The following CELF4 variants were observed in gnomAD, a reference collection of about 807,000 sequenced individuals.
The protein encoded by CELF4 is CUG-BP- and ETR-3-like factor 4.
Under a neutral mutation model 59.9 loss-of-function variants are expected in CELF4, and 18 were observed. The ratio of observed to expected loss-of-function variants is 0.30; its 90% CI spans 0.21 to 0.45. The LOEUF (loss-of-function observed/expected upper bound fraction) is 0.45. Ranked by LOEUF, CELF4 falls within the 20% of genes least tolerant of loss-of-function variation. The pLI, the probability that CELF4 is intolerant of heterozygous loss-of-function variation, is 1.00. For synonymous variants in CELF4, 261 were observed against 267.1 expected (o/e 0.98, Z 0.22); for missense variants, 456 against 689.0 (o/e 0.66, Z 3.79).
At chr18:37,291,655 CTTT>C (rs1443352374) in intron 3 of CELF4, among the ~76,000 whole-genome samples, 2 of 152,144 alleles carry the variant, frequency 1.3e-5, no homozygotes, top group Non-Finnish European at 2.9e-5. Context: ...TTTTAGAATC[CTTT>C]TGATTTGTAG....
intron 2 of CELF4, among the ~76,000 whole-genome samples, chr18:37,361,068 C>T (rs535086111): frequency 6.6e-6 from 1 of 152,206 alleles, no homozygotes; most frequent in Non-Finnish European, 1.5e-5. Flanking sequence ...GGGCCCCCAG[C>T]AATGCTGGAC....
intron 2 of CELF4, among the ~76,000 whole-genome samples, chr18:37,410,061 T>C (rs1330347771): frequency 6.6e-6 from 1 of 151,902 alleles, no homozygotes; most frequent in Non-Finnish European, 1.5e-5. Flanking sequence ...CACTTTCAGG[T>C]GTTGACTGGA....
In CELF4 at chr18:37,264,696, C is replaced by T. The variant is rs1468348949; in HGVS notation, c.1227G>A (p.Met409Ile). The T allele has an allele frequency of 6.3e-6, 10 of 1,578,948 alleles. No individual in the cohort carries two copies. In the African/African-American group the frequency reaches 1.2e-4, roughly 19 times the overall value. ...CACCTTCTCTCTGCTGCTGGGGGAT[C>T]ATTGGAGGCGGCTGAGGAAAGGCCT... ...ISQAFPQPPP[M>I]IPQQQREGPE... The change falls in exon 10 of 13, where the codon ATG becomes ATA. Residue 409 changes from methionine (M) to isoleucine (I), a missense_variant. This residue lies in a region of CELF4 where 256 missense variants were observed against 340.8 expected (regional missense o/e 0.75). Transcript: ENST00000420428.
intron 1 of CELF4, among the ~76,000 whole-genome samples, chr18:37,498,052 T>G (rs989372449): frequency 2.0e-5 from 3 of 152,102 alleles, no homozygotes; most frequent in Non-Finnish European, 4.4e-5. Flanking sequence ...CAACTCTGCC[T>G]GGGGGAGAAC....
chr18:37,426,491 G>C (rs915455151), intron 2 of CELF4, among the ~76,000 whole-genome samples: 2 of 152,244 alleles, frequency 1.3e-5, no homozygotes, highest in Middle Eastern at 3.2e-3. Flanking sequence ...CCACCCAGGG[G>C]CTGAGCTGTG....
intron 2 of CELF4, among the ~76,000 whole-genome samples, chr18:37,322,263 C>T (rs944733611): frequency 6.6e-6 from 1 of 152,226 alleles, no homozygotes. Context: ...CCCTGGTTCA[C>T]TCAAACATCT....
rs555036117 is a variant in CELF4, at chr18:37,473,701, C to G, written c.369+11824G>C. 2.0e-5 allele frequency: 3 copies of G among 152,418 alleles called. No homozygotes were observed. The South Asian group carries it at 6.2e-4, about 32-fold the overall frequency. The allele number at this position is 152,418 out of a possible 1,614,324, so 9.4% of individuals were successfully genotyped here. The stretch of plus-strand genomic sequence containing the variant: ...ATCTAAGCTGAAGGCAAATGCGGCA[C>G]GTGTGTGGGGGGTGGCTGCTGCTCC... On this transcript the variant is annotated intron_variant, in intron 2 of 12. Coordinates refer to ENST00000420428, the MANE Select transcript of CELF4 (RefSeq NM_020180.4).
intron 2 of CELF4, among the ~76,000 whole-genome samples, chr18:37,409,396 C>A (rs1000932739): frequency 5.9e-5 from 9 of 152,116 alleles, no homozygotes; most frequent in Non-Finnish European, 1.3e-4. Context: ...CCCAAGGATG[C>A]CTCATTGTGG....
At chr18:37,423,143 G>A (rs2099590890) in intron 2 of CELF4, among the ~76,000 whole-genome samples, 2 of 152,068 alleles carry the variant, frequency 1.3e-5, no homozygotes, top group Admixed American at 6.5e-5. Flanking sequence ...GAGAGACAGA[G>A]AGACTGGCTC....
At chr18:37,248,419 G>A (rs375389822) in intron 12 of CELF4, among the ~76,000 whole-genome samples, 4 of 152,124 alleles carry the variant, frequency 2.6e-5, no homozygotes, top group East Asian at 1.9e-4. Context: ...CCATAAAAGC[G>A]CCACATGGAA....
intron 1 of CELF4, among the ~76,000 whole-genome samples, chr18:37,565,034 C>T (rs1478414245): frequency 6.6e-6 from 1 of 152,044 alleles, no homozygotes; most frequent in African/African-American, 2.4e-5. Flanking sequence ...TGCAGCCTTC[C>T]CCATCCCCAT....
intron 1 of CELF4, among the ~76,000 whole-genome samples, chr18:37,502,603 C>T (rs1335576903): frequency 6.6e-6 from 1 of 152,172 alleles, no homozygotes; most frequent in Non-Finnish European, 1.5e-5. Context: ...TGGCCCGGGC[C>T]CCACTGCACT....
chr18:37,318,570 CT>C (rs2096953338), intron 3 of CELF4, among the ~76,000 whole-genome samples: 2 of 150,812 alleles, frequency 1.3e-5, no homozygotes, highest in South Asian at 4.2e-4. Context: ...GGCCATCTCA[CT>C]GTTTAATATT....
chr18:37,315,330 C>T (rs373518187), intron 3 of CELF4, among the ~76,000 whole-genome samples: 20 of 152,192 alleles, frequency 1.3e-4, no homozygotes, highest in Middle Eastern at 3.4e-3. Flanking sequence ...AAGATGAGCA[C>T]GGGCAGGTGG....
At chr18:37,367,543 C>T (rs1051063907) in intron 2 of CELF4, among the ~76,000 whole-genome samples, 2 of 152,022 alleles carry the variant, frequency 1.3e-5, no homozygotes, top group African/African-American at 4.8e-5. Context: ...GACAGGAAGG[C>T]CACGGCTGAA....
At chr18:37,249,319 A>T (rs961957373) in intron 12 of CELF4, among the ~76,000 whole-genome samples, 4 of 152,116 alleles carry the variant, frequency 2.6e-5, no homozygotes, top group Non-Finnish European at 4.4e-5. Context: ...TGGCAACTGC[A>T]ACTCAGGGAC....
intron 2 of CELF4, among the ~76,000 whole-genome samples, chr18:37,323,423 A>G (rs943047016): frequency 1.3e-5 from 2 of 152,192 alleles, no homozygotes; most frequent in South Asian, 2.1e-4. Context: ...CAGGGAGAAG[A>G]AGGAGGAACG....
At chr18:37,362,296 C>T (rs1339637157) in intron 2 of CELF4, among the ~76,000 whole-genome samples, 1 of 150,646 alleles carries the variant, frequency 6.6e-6, no homozygotes. Flanking sequence ...TCCTCCTCCT[C>T]TTACCAAATG....
intron 3 of CELF4, among the ~76,000 whole-genome samples, chr18:37,304,902 G>A (rs571318123): frequency 1.3e-5 from 2 of 152,292 alleles, no homozygotes; most frequent in South Asian, 4.1e-4. Flanking sequence ...GTGGGGGCTG[G>A]AAGTCCCAAA....
Sources: gnomAD v4.1 joint callset for allele counts (sites outside exome capture counted in the v4.1 genomes callset) on GRCh38, gnomAD v4.1.1 for gene constraint, gnomAD v4.1.1 regional missense constraint, MANE v1.5 for transcripts, NCBI Gene and HGNC (gene_info 2026-07-23, HGNC 2026-07-21) for gene names.